Variants in LRRC8A observed in about 807,000 individuals in gnomAD.
The protein encoded by LRRC8A is leucine rich repeat containing 8 VRAC subunit A.
LRRC8A carries 24 observed loss-of-function variants against 52.5 expected under a neutral mutation model. The observed-to-expected ratio is 0.46, with a 90% CI of 0.33 to 0.64. The LOEUF (loss-of-function observed/expected upper bound fraction) is 0.64. Ranked by LOEUF, LRRC8A falls within the 30% of genes least tolerant of loss-of-function variation. The pLI is 0.02. For missense variants in LRRC8A, 677 were observed against 1,094.7 expected, an observed-to-expected ratio of 0.62 and a Z score of 5.38; for synonymous variants, 492 against 494.2, an observed-to-expected ratio of 1.00 and a Z score of 0.06.
intron 2 of LRRC8A, among the ~76,000 whole-genome samples, chr9:128,905,582 C>A (rs1353127715): frequency 6.6e-6 from 1 of 152,198 alleles, no homozygotes; most frequent in Non-Finnish European, 1.5e-5. Context: ...CGGTGGCTCA[C>A]TCCTGTAATC....
chr9:128,890,130 T>TTTTG (rs1839549564), intron 2 of LRRC8A, among the ~76,000 whole-genome samples: 1 of 128,210 alleles, frequency 7.8e-6, no homozygotes, highest in Non-Finnish European at 1.6e-5. Flanking sequence ...TGGCTTCATT[T>TTTTG]TGTGTGTGTG....
chr9:128,887,930 C>T (rs143336715), intron 2 of LRRC8A, among the ~76,000 whole-genome samples: 1 of 152,200 alleles, frequency 6.6e-6, no homozygotes, highest in African/African-American at 2.4e-5. Flanking sequence ...GCATGAGCCA[C>T]CGCGCCCGGC....
At chr9:128,888,930 C>T (rs766747568) in intron 2 of LRRC8A, among the ~76,000 whole-genome samples, 10 of 152,098 alleles carry the variant, frequency 6.6e-5, no homozygotes, top group South Asian at 2.1e-4. Context: ...CTTCATAGTC[C>T]GTGGTCATTC....
Position 128,908,334 on chromosome 9 carries a change from C to T in LRRC8A, c.1170C>T (p.Phe390=), listed in dbSNP as rs139427858. 53 of 1,614,006 alleles carry T rather than the reference C, an allele frequency of 3.3e-5. No homozygotes were observed. The highest frequency in any genetic ancestry group is 2.0e-4 in the East Asian group (9 of 44,900). ...ACGACCCGCTCTACTCCAAGCGCTT[C>T]GCCGTCTTCCTGTCGGAGGTGAGTG... ...DQYDPLYSKR[F]AVFLSEVSEN... The change falls in exon 3 of 4, where the codon TTC becomes TTT. Residue 390 remains phenylalanine, a synonymous_variant. Coordinates refer to ENST00000372600, the MANE Select transcript of LRRC8A (RefSeq NM_019594.4).
In LRRC8A at chr9:128,916,098, C is replaced by T. The variant is rs759781334; in HGVS notation, c.2160C>T (p.Ile720=). The T allele has an allele frequency of 7.5e-6, 12 of 1,601,222 alleles. No homozygotes were observed. In the Admixed American group the frequency reaches 1.3e-4, roughly 18 times the overall value. ...CACCCCTGCTTTTTTCCCTCCAGAT[C>T]GAGACGCTCCCTCCGGAGCTCTTCC... ...LQNLAITANR[I]ETLPPELFQC... is the part of the protein sequence containing the mutation. Residue 720 remains isoleucine, a splice_region_variant and synonymous_variant, in exon 4 of 4, where the codon ATC becomes ATT. Transcript: ENST00000372600. This position sits in a 1 kb window ranked among gnomAD's most constrained non-coding sequence, Gnocchi z 6.1.
chr9:128,896,358 C>T (rs1161229256), intron 2 of LRRC8A, among the ~76,000 whole-genome samples: 2 of 152,184 alleles, frequency 1.3e-5, no homozygotes, highest in African/African-American at 4.8e-5. Flanking sequence ...TTTGCTATTA[C>T]AAACAATTCT....
intron 3 of LRRC8A, among the ~76,000 whole-genome samples, chr9:128,915,731 C>G (rs1840782971): frequency 1.3e-5 from 2 of 152,188 alleles, no homozygotes; most frequent in South Asian, 4.1e-4. Flanking sequence ...GAGGTGGGAG[C>G]AGCTGGCCAA....
chr9:128,897,094 T>C (rs940903304), intron 2 of LRRC8A, among the ~76,000 whole-genome samples: 1 of 152,236 alleles, frequency 6.6e-6, no homozygotes, highest in African/African-American at 2.4e-5. Flanking sequence ...TGGCTTCTTT[T>C]CACTTGTTTA....
chr9:128,885,177 G>C (rs949180663), intron 1 of LRRC8A: 2 of 152,236 alleles, frequency 1.3e-5, no homozygotes, highest in Non-Finnish European at 2.9e-5. Flanking sequence ...AGTGTCTGGC[G>C]CATATGGAGT....
rs947333569 is a variant in LRRC8A at position 128,892,943 on chromosome 9, C to A, written c.-9+6822C>A. The stretch of plus-strand genomic sequence containing the variant: ...AGGCTCTCTGTGCCCTGTTTACCCG[C>A]AGCCCGACTGCCTGCCGCCCAGGTG... On this transcript the variant is annotated intron_variant, in intron 2 of 3. Coordinates refer to ENST00000372600, the MANE Select transcript of LRRC8A (RefSeq NM_019594.4). This position sits in a 1 kb window ranked among gnomAD's most constrained non-coding sequence, Gnocchi z 5.2. 6.6e-6 allele frequency among the ~76,000 whole-genome samples: 1 copy of A among 152,202 alleles called. No homozygotes were observed. Among genetic ancestry groups the A allele is most frequent in the African/African-American group, 2.4e-5 (1 of 41,444 alleles).
At position 128,909,118 on chromosome 9, in the gene LRRC8A, G is replaced by T; in HGVS notation, c.1954G>T (p.Ala652Ser). 6.2e-7 allele frequency: 1 copy of T among 1,614,048 alleles called. No homozygotes were observed. Reference sequence around the variant, plus strand: ...CCTTAAGCTGTGGTACAACCACATCGCCTACATCCCCATCCAGATCGGCAA... The same window carrying T: ...CCTTAAGCTGTGGTACAACCACATCTCCTACATCCCCATCCAGATCGGCAA... ...TCLKLWYNHI[A>S]YIPIQIGNLT... is the part of the protein sequence containing the mutation. The change falls in exon 3 of 4, where the codon GCC (alanine) becomes TCC (serine). Residue 652 changes from alanine (A) to serine (S), a missense_variant. By Grantham distance (99) the Ala-to-Ser change is moderately conservative. Transcript: ENST00000372600.
At chr9:128,895,211 C>T (rs191334320) in intron 2 of LRRC8A, among the ~76,000 whole-genome samples, 19 of 152,094 alleles carry the variant, frequency 1.2e-4, no homozygotes, top group Admixed American at 1.1e-3. Flanking sequence ...AGGAAGGTGG[C>T]GTTATTCCTG....
rs760957405 is a variant in LRRC8A, at chr9:128,909,276, C to T, written c.2112C>T (p.Ile704=). ...HNNLTFLPAD[I]GLLQNLQNLA... Reference sequence around the variant, plus strand: ...ACCTGACCTTCCTCCCTGCCGACATCGGCCTCCTGCAGAACCTCCAGAACC... The same window carrying T: ...ACCTGACCTTCCTCCCTGCCGACATTGGCCTCCTGCAGAACCTCCAGAACC... Residue 704 remains isoleucine, a synonymous_variant, in exon 3 of 4, where the codon ATC becomes ATT. Coordinates refer to ENST00000372600, the MANE Select transcript of LRRC8A (RefSeq NM_019594.4). 61 of 1,613,828 alleles carry T rather than the reference C, an allele frequency of 3.8e-5. No homozygotes were observed. Among genetic ancestry groups the T allele is most frequent in the Admixed American group, 2.5e-4 (15 of 60,010 alleles).
intron 3 of LRRC8A, among the ~76,000 whole-genome samples, chr9:128,913,825 C>T (rs1840673190): frequency 6.6e-6 from 1 of 152,230 alleles, no homozygotes; most frequent in Non-Finnish European, 1.5e-5. Context: ...CTGCTGACCT[C>T]AAAGCCAACC....
intron 2 of LRRC8A, among the ~76,000 whole-genome samples, chr9:128,887,719 G>A (rs919858019): frequency 6.6e-6 from 1 of 151,806 alleles, no homozygotes; most frequent in Admixed American, 6.6e-5. Flanking sequence ...TCAGCTCACT[G>A]CAAGCTCTGC....
At chr9:128,913,736 G>C (rs1300799447) in intron 3 of LRRC8A, among the ~76,000 whole-genome samples, 1 of 152,160 alleles carries the variant, frequency 6.6e-6, no homozygotes, top group Non-Finnish European at 1.5e-5. Flanking sequence ...CACGGGGTGG[G>C]AGTGGGGTCT....
chr9:128,910,929 C>T (rs1003337741), intron 3 of LRRC8A, among the ~76,000 whole-genome samples: 1 of 152,300 alleles, frequency 6.6e-6, no homozygotes, highest in Admixed American at 6.5e-5. Context: ...AGCAGCCCCA[C>T]GGTGCAGTCC....
chr9:128,910,279 G>A (rs10988151), intron 3 of LRRC8A, among the ~76,000 whole-genome samples: 85,744 of 152,156 alleles, frequency 0.56, 28,939 homozygotes, highest in Non-Finnish European at 0.72. Flanking sequence ...GAGGCCAGGC[G>A]CTGGGAGACA....
At chr9:128,898,265 G>GT (rs752293779) in intron 2 of LRRC8A, among the ~76,000 whole-genome samples, 1 of 151,986 alleles carries the variant, frequency 6.6e-6, no homozygotes, top group African/African-American at 2.4e-5. Flanking sequence ...CTGTCGCCCA[G>GT]GCTGGAGGGC....
Sources: allele counts gnomAD v4.1 joint callset (sites outside exome capture counted in the v4.1 genomes callset), GRCh38; gene constraint gnomAD v4.1.1; non-coding constraint Gnocchi (gnomAD v3.1); transcripts MANE v1.5; gene names NCBI Gene and HGNC (gene_info 2026-07-23, HGNC 2026-07-21).